The following CADPS2 variants were observed in gnomAD, a reference collection of about 807,000 sequenced individuals.
CADPS2 encodes the protein calcium-dependent secretion activator 2.
CADPS2 carries 93 observed loss-of-function variants against 172.5 expected under a neutral mutation model. That is an observed-to-expected ratio of 0.54 (90% CI 0.46 to 0.64). The LOEUF (loss-of-function observed/expected upper bound fraction) is 0.64. Ranked by LOEUF, CADPS2 falls within the 30% of genes least tolerant of loss-of-function variation. CADPS2 has a pLI of 0.00. For synonymous variants in CADPS2, 546 were observed against 555.2 expected (o/e 0.98, Z 0.23); for missense variants, 1,420 against 1,565.9 (o/e 0.91, Z 1.57).
In CADPS2 at chr7:122,320,324, G is replaced by C; in HGVS notation, c.3732C>G (p.Asp1244Glu). ...LIKIVKKTYR[D>E]FRLQGVLEGT... ...CTTCCAACACACCCTGCAATCGAAA[G>C]TCCCTGTAGGTTTTCTGAAGAAAGA... Residue 1244 changes from aspartate to glutamate, a missense_variant, in exon 30 of 30, where the codon GAC (aspartate) becomes GAG (glutamate). Physicochemically the swap from Asp to Glu is conservative, Grantham distance 45 (BLOSUM62 2). Transcript: ENST00000449022. The C allele has an allele frequency of 3.1e-6, 5 of 1,594,578 alleles. No individual in the cohort carries two copies. The highest frequency in any genetic ancestry group is 3.4e-6 in the Non-Finnish European group (4 of 1,171,148).
At chr7:122,503,056 G>A (rs1477983586) in intron 9 of CADPS2, among the ~76,000 whole-genome samples, 3 of 150,084 alleles carry the variant, frequency 2.0e-5, no homozygotes, top group African/African-American at 4.9e-5. Flanking sequence ...TTTTGAGACG[G>A]GGTCTCGCTC....
chr7:122,388,003 C>T (rs1304264659), intron 23 of CADPS2, among the ~76,000 whole-genome samples: 1 of 151,832 alleles, frequency 6.6e-6, no homozygotes, highest in African/African-American at 2.4e-5. Context: ...AATGCTTGAC[C>T]AATTAGGATG....
chr7:122,742,166 G>T (rs773802558), intron 1 of CADPS2, among the ~76,000 whole-genome samples: 3 of 152,004 alleles, frequency 2.0e-5, no homozygotes, highest in Non-Finnish European at 4.4e-5. Context: ...CAAGGCAGGC[G>T]GATCACCTGA....
chr7:122,413,986 T>A lies in CADPS2; in HGVS notation c.2589+82A>T, dbSNP rs1394852191. ...AGGACTAATTGGCTTTAAAATGGAC[T>A]ACAATCAGAGTAGATTGTATTTTAA... is the stretch of plus-strand genomic sequence containing the variant. On this transcript the variant is annotated intron_variant, in intron 19 of 29. Coordinates refer to ENST00000449022, the MANE Select transcript of CADPS2 (RefSeq NM_017954.11). The A allele has an allele frequency of 3.2e-6, 4 of 1,231,918 alleles. No individual in the cohort carries two copies. In the East Asian group the frequency reaches 9.9e-5, roughly 31 times the overall value. The allele number at this position is 1,231,918 out of a possible 1,614,324, so 76.3% of individuals were successfully genotyped here.
intron 1 of CADPS2, among the ~76,000 whole-genome samples, chr7:122,848,248 T>C (rs1183939170): frequency 6.6e-6 from 1 of 152,190 alleles, no homozygotes; most frequent in Admixed American, 6.5e-5. Context: ...AGTAAGGCAG[T>C]GTTGCAGGAA....
intron 27 of CADPS2, among the ~76,000 whole-genome samples, chr7:122,349,869 CACT>C (rs1393337796): frequency 6.6e-6 from 1 of 152,190 alleles, no homozygotes; most frequent in Non-Finnish European, 1.5e-5. Flanking sequence ...ATGGGTGCAA[CACT>C]GCAGTCATTT....
At chr7:122,569,587 CA>C (rs2066929324) in intron 7 of CADPS2, among the ~76,000 whole-genome samples, 8 of 96,990 alleles carry the variant, frequency 8.2e-5, no homozygotes, top group African/African-American at 4.2e-4. Context: ...AATCCTAAGC[CA>C]AAAGAACAAA....
intron 12 of CADPS2, among the ~76,000 whole-genome samples, chr7:122,476,220 A>G (rs2056603069): frequency 1.3e-5 from 2 of 152,060 alleles, no homozygotes; most frequent in Non-Finnish European, 2.9e-5. Flanking sequence ...GTTTTATAAA[A>G]CATCTGCTAA....
chr7:122,501,583 T>C (rs751638024), intron 9 of CADPS2, among the ~76,000 whole-genome samples: 4 of 151,596 alleles, frequency 2.6e-5, no homozygotes, highest in Admixed American at 6.6e-5. Flanking sequence ...GGCATGGTGG[T>C]ACATGCCTGT....
At chr7:122,581,117 A>G in intron 7 of CADPS2, 62 bp downstream of exon 7, 1 of 1,176,144 alleles carries the variant, frequency 8.5e-7, no homozygotes. Flanking sequence ...ATCTACCTTA[A>G]TCATGAATCC....
At chr7:122,763,263 C>T (rs1364481722) in intron 1 of CADPS2, among the ~76,000 whole-genome samples, 1 of 152,102 alleles carries the variant, frequency 6.6e-6, no homozygotes, top group Non-Finnish European at 1.5e-5. Context: ...GAATCATGAT[C>T]TAAGCAAAAA....
chr7:122,692,389 A>G (rs2084495002), intron 2 of CADPS2, among the ~76,000 whole-genome samples: 1 of 152,204 alleles, frequency 6.6e-6, no homozygotes, highest in Non-Finnish European at 1.5e-5. Context: ...TGCATCCTGC[A>G]GGGACTGGGC....
chr7:122,879,553 T>G (rs112137698), intron 1 of CADPS2, among the ~76,000 whole-genome samples: 3 of 149,826 alleles, frequency 2.0e-5, no homozygotes, highest in Non-Finnish European at 4.4e-5. Context: ...AAAATAAAAA[T>G]AAAAAAAGAA....
chr7:122,323,876 TATATATATATATATATA>T (rs2033195202), intron 29 of CADPS2, among the ~76,000 whole-genome samples: 53 of 17,774 alleles, frequency 3.0e-3, no homozygotes, highest in East Asian at 0.012. Context: ...GTATATTTTA[TATATATATATATATATA>T]TATATATATA....
At chr7:122,771,546 G>C (rs1055366256) in intron 1 of CADPS2, among the ~76,000 whole-genome samples, 2 of 152,194 alleles carry the variant, frequency 1.3e-5, no homozygotes, top group Non-Finnish European at 2.9e-5. Flanking sequence ...AGTGGAGAAA[G>C]TGGCAAGGAA....
At chr7:122,325,436 T>C (rs370185604) in intron 29 of CADPS2, 41 bp downstream of exon 29, 2 of 1,284,544 alleles carry the variant, frequency 1.6e-6, no homozygotes, top group South Asian at 1.3e-5. Context: ...TTATTCCTTA[T>C]AGCTTAGTGG....
In CADPS2 at chr7:122,388,724, G is replaced by A. The variant is rs377144826; in HGVS notation, c.3023C>T (p.Thr1008Ile). ...SLYESTNGSA[T>I]SEDLFWKLDA... ...AAGCTTCCAAAAAAGGTCTTCTGAT[G>A]TTGCTGAGCCATTGCTAGAAGAAAA... The change falls in exon 23 of 30, where the codon ACA becomes ATA. Residue 1008 changes from threonine to isoleucine, a missense_variant. By Grantham distance (89) the Thr-to-Ile change is moderately conservative. Coordinates refer to ENST00000449022, the MANE Select transcript of CADPS2 (RefSeq NM_017954.11). 2.5e-6 allele frequency: 4 copies of A among 1,605,930 alleles called. No homozygotes were observed. The African/African-American group carries it at 4.0e-5, about 16-fold the overall frequency.
intron 1 of CADPS2, chr7:122,850,025 C>T (rs1813104796): frequency 8.0e-6 from 8 of 999,318 alleles, no homozygotes; most frequent in Non-Finnish European, 1.1e-5. Context: ...AACAGAAGGC[C>T]CTGCTGCATC....
chr7:122,328,202 G>T (rs557226899), intron 28 of CADPS2, among the ~76,000 whole-genome samples: 2 of 151,412 alleles, frequency 1.3e-5, no homozygotes, highest in East Asian at 1.9e-4. Context: ...CCACCAGACA[G>T]AAACCTCTAG....
Sources: allele counts gnomAD v4.1 joint callset (sites outside exome capture counted in the v4.1 genomes callset), GRCh38; gene constraint gnomAD v4.1.1; transcripts MANE v1.5; gene names NCBI Gene and HGNC (gene_info 2026-07-23, HGNC 2026-07-21).